ECE1: variants seen among roughly 807,000 people sequenced by gnomAD.
The protein encoded by ECE1 is endothelin-converting enzyme 1.
In ECE1, 35 loss-of-function variants were observed where a neutral mutation model predicts 98.6. The ratio of observed to expected loss-of-function variants is 0.35; its 90% CI spans 0.27 to 0.47. The LOEUF (loss-of-function observed/expected upper bound fraction) is 0.47. Ranked by LOEUF, ECE1 falls within the 20% of genes least tolerant of loss-of-function variation. ECE1 has a pLI of 1.00. For synonymous variants in ECE1, 394 were observed against 407.1 expected, an observed-to-expected ratio of 0.97 and a Z score of 0.39; for missense variants, 814 against 1,025.3, an observed-to-expected ratio of 0.79 and a Z score of 2.81.
intron 2 of ECE1, among the ~76,000 whole-genome samples, chr1:21,285,997 A>AAC (rs2098260162): frequency 6.6e-6 from 1 of 151,968 alleles, no homozygotes; most frequent in Non-Finnish European, 1.5e-5. Context: ...TCTCAAAAAA[A>AAC]AAAAAAAAAA....
At chr1:21,311,509 C>CAAAAAAAAAAA (rs397979522) in intron 1 of ECE1, among the ~76,000 whole-genome samples, 2,032 of 74,044 alleles carry the variant, frequency 0.027, 144 homozygotes, top group Non-Finnish European at 0.035. Context: ...CCTGTCTCCA[C>CAAAAAAAAAAA]AAAAAAAAAA....
intron 1 of ECE1, among the ~76,000 whole-genome samples, chr1:21,335,108 C>T (rs1356424593): frequency 6.6e-6 from 1 of 152,132 alleles, no homozygotes; most frequent in Admixed American, 6.5e-5. Context: ...CCCGGCCACA[C>T]CAGCGTTCAC....
intron 14 of ECE1, among the ~76,000 whole-genome samples, chr1:21,231,990 A>G (rs899734451): frequency 1.3e-5 from 2 of 152,290 alleles, no homozygotes; most frequent in Non-Finnish European, 2.9e-5. Flanking sequence ...GGAAATTTAA[A>G]TAAAAACATT....
intron 8 of ECE1, among the ~76,000 whole-genome samples, chr1:21,251,205 C>T (rs1026534960): frequency 1.3e-5 from 2 of 151,840 alleles, no homozygotes; most frequent in African/African-American, 2.4e-5. Flanking sequence ...AAGGCAGTGG[C>T]GTGCTGGTAA....
In ECE1 at chr1:21,230,839, T is replaced by C. The variant is rs150940951; in HGVS notation, c.1670+2719A>G. Reference sequence around the variant, plus strand: ...TTCTCATTAATTTTTTGAAAATAGTTATTTTCCATAAAATTTAAAAAAAAT... The same window carrying C: ...TTCTCATTAATTTTTTGAAAATAGTCATTTTCCATAAAATTTAAAAAAAAT... On this transcript the variant is annotated intron_variant, in intron 14 of 18. Coordinates refer to ENST00000374893, the MANE Select transcript of ECE1 (RefSeq NM_001397.3). 2.6e-4 allele frequency among the ~76,000 whole-genome samples: 39 copies of C among 152,314 alleles called. 1 individual carries two copies. In the East Asian group the frequency reaches 7.5e-3, roughly 29 times the overall value.
chr1:21,301,313 T>G (rs1183705154), intron 1 of ECE1, among the ~76,000 whole-genome samples: 1 of 150,052 alleles, frequency 6.7e-6, no homozygotes, highest in Non-Finnish European at 1.5e-5. Context: ...GCTAACACGG[T>G]GAAACCCCGT....
At chr1:21,228,827 T>C (rs2098177984) in intron 14 of ECE1, among the ~76,000 whole-genome samples, 1 of 144,838 alleles carries the variant, frequency 6.9e-6, no homozygotes. Context: ...TTTTGAAAAG[T>C]CACCACTGAA....
intron 2 of ECE1, among the ~76,000 whole-genome samples, chr1:21,286,931 AAAAAAG>A (rs2098261210): frequency 6.6e-6 from 1 of 151,904 alleles, no homozygotes; most frequent in African/African-American, 2.4e-5. Context: ...AAAGAAAAAA[AAAAAAG>A]AAAAAGAAAA....
intron 1 of ECE1, among the ~76,000 whole-genome samples, chr1:21,332,825 C>G (rs1639230516): frequency 1.3e-5 from 1 of 77,898 alleles, no homozygotes; most frequent in Non-Finnish European, 2.5e-5. Context: ...GGGAAGGGGG[C>G]TGCGGGAACA....
At chr1:21,302,199 C>T (rs10799688) in intron 1 of ECE1, among the ~76,000 whole-genome samples, 7,837 of 152,320 alleles carry the variant, frequency 0.051, 241 homozygotes, top group African/African-American at 0.079. Flanking sequence ...AAGTTCCCCA[C>T]GTCCAGCCCC....
intron 8 of ECE1, among the ~76,000 whole-genome samples, chr1:21,249,545 A>T (rs1022942725): frequency 2.0e-5 from 3 of 152,072 alleles, no homozygotes; most frequent in Admixed American, 6.6e-5. Context: ...AAAAAAATTT[A>T]AAACTTAGCT....
intron 7 of ECE1, among the ~76,000 whole-genome samples, chr1:21,256,954 G>A (rs537827041): frequency 6.6e-6 from 1 of 152,180 alleles, no homozygotes; most frequent in South Asian, 2.1e-4. Flanking sequence ...AGTACATGCC[G>A]GCGGAAGGAT....
rs2098225473 is a variant in ECE1, at chr1:21,260,563, T to C, written c.494-171A>G. The stretch of plus-strand genomic sequence containing the variant: ...GTCACCGTGAGTATGTGAGGGCCCC[T>C]GGACAGAGCCTGGCAAGCTGAAGGC... On this transcript the variant is annotated intron_variant, in intron 4 of 18. Transcript: ENST00000374893. This position sits in a 1 kb window ranked among gnomAD's most constrained non-coding sequence, Gnocchi z 4.3. Among the ~76,000 whole-genome samples, 1 of 152,144 alleles carries C rather than the reference T, an allele frequency of 6.6e-6. No individual in the cohort carries two copies. The highest frequency in any genetic ancestry group is 6.5e-5 in the Admixed American group (1 of 15,278).
chr1:21,261,471 A>G (rs1250774031), intron 4 of ECE1, among the ~76,000 whole-genome samples: 2 of 152,050 alleles, frequency 1.3e-5, no homozygotes, highest in Non-Finnish European at 2.9e-5. Context: ...GAGCTTCTGC[A>G]TGGGACCCTG....
At chr1:21,248,090 C>T (rs530666014) in intron 8 of ECE1, among the ~76,000 whole-genome samples, 28 of 152,096 alleles carry the variant, frequency 1.8e-4, no homozygotes, top group African/African-American at 6.3e-4. Context: ...GGCATGGGAT[C>T]GGGAAGGGTT....
chr1:21,302,448 G>A (rs1380027220), intron 1 of ECE1, among the ~76,000 whole-genome samples: 1 of 152,174 alleles, frequency 6.6e-6, no homozygotes, highest in Non-Finnish European at 1.5e-5. Flanking sequence ...CTCAGAACTG[G>A]GTGTGAGGAT....
chr1:21,264,590 C>T (rs1366736959), intron 4 of ECE1, among the ~76,000 whole-genome samples: 1 of 152,338 alleles, frequency 6.6e-6, no homozygotes, highest in East Asian at 1.9e-4. Context: ...GCTGGGATTA[C>T]AGGCGTCAGC....
intron 17 of ECE1, among the ~76,000 whole-genome samples, chr1:21,224,971 C>A (rs944707098): frequency 1.2e-4 from 19 of 152,196 alleles, no homozygotes; most frequent in East Asian, 9.6e-4. Flanking sequence ...GAGATGAGAA[C>A]AGGCAGGCTC....
intron 1 of ECE1, among the ~76,000 whole-genome samples, chr1:21,335,329 C>T (rs1394683316): frequency 1.3e-5 from 2 of 152,218 alleles, no homozygotes; most frequent in Non-Finnish European, 2.9e-5. Flanking sequence ...TCGGAGCGAT[C>T]CTTCTGGTGG....
Sources: gnomAD v4.1 joint callset for allele counts (sites outside exome capture counted in the v4.1 genomes callset) on GRCh38, gnomAD v4.1.1 for gene constraint, Gnocchi (gnomAD v3.1) non-coding constraint, MANE v1.5 for transcripts, NCBI Gene and HGNC (gene_info 2026-07-23, HGNC 2026-07-21) for gene names.